Variants in DLGAP2 observed in about 807,000 individuals in gnomAD.
DLGAP2 encodes the protein DLG associated protein 2, also known as disks large-associated protein 2.
Under a neutral mutation model 100.3 loss-of-function variants are expected in DLGAP2, and 26 were observed. The ratio of observed to expected loss-of-function variants is 0.26; its 90% CI spans 0.19 to 0.36. The LOEUF (loss-of-function observed/expected upper bound fraction) is 0.36, where lower values mean the gene tolerates loss of function less well. DLGAP2 is among the 10% of genes least tolerant of loss of function. The pLI is 1.00. For missense variants in DLGAP2, 1,858 were observed against 1,453.2 expected (o/e 1.28, Z -4.53); for synonymous variants, 886 against 630.1 (o/e 1.41, Z -6.08).
At chr8:1,605,041 C>T (rs1010054237) in intron 6 of DLGAP2, among the ~76,000 whole-genome samples, 4 of 152,276 alleles carry the variant, frequency 2.6e-5, no homozygotes, top group South Asian at 2.1e-4. Flanking sequence ...AGAAGCCAGG[C>T]GGGGCACACC....
intron 3 of DLGAP2, among the ~76,000 whole-genome samples, chr8:1,266,739 C>T (rs1199489317): frequency 6.6e-6 from 1 of 151,974 alleles, no homozygotes; most frequent in African/African-American, 2.4e-5. Flanking sequence ...GTGTTGAGTG[C>T]AGACCCAGTG....
intron 2 of DLGAP2, among the ~76,000 whole-genome samples, chr8:1,135,792 G>A (rs1265405065): frequency 3.9e-5 from 6 of 152,074 alleles, no homozygotes; most frequent in Non-Finnish European, 7.4e-5. Flanking sequence ...TGATATTTCT[G>A]GTAGAAAAAC....
chr8:1,054,684 A>G (rs1407095358), intron 2 of DLGAP2, among the ~76,000 whole-genome samples: 9 of 152,166 alleles, frequency 5.9e-5, no homozygotes. Flanking sequence ...AAAACAATGC[A>G]CTATTCTCAG....
chr8:801,985 TC>T, intron 1 of DLGAP2, among the ~76,000 whole-genome samples: 1 of 31,642 alleles, frequency 3.2e-5, no homozygotes, highest in Non-Finnish European at 7.9e-5. Flanking sequence ...CCCTCCTGGG[TC>T]CTCTGTCCTC....
At position 1,143,620 on chromosome 8, in the gene DLGAP2, C is replaced by T. The variant is rs531682082; in HGVS notation, c.74-115231C>T. Among the ~76,000 whole-genome samples, 25 of 152,298 alleles carry T rather than the reference C, an allele frequency of 1.6e-4. 1 individual carries two copies. The highest frequency in any genetic ancestry group is 6.8e-3 in the Middle Eastern group (2 of 294). On this transcript the variant is annotated intron_variant, in intron 2 of 14. Coordinates refer to ENST00000637795, the MANE Select transcript of DLGAP2 (RefSeq NM_001346810.2). The stretch of plus-strand genomic sequence containing the variant: ...TGGGAGGGAAGTGCAGTTCTGCAGG[C>T]GGCATCTGAGAGGCTTCAGAACGGG...
intron 2 of DLGAP2, among the ~76,000 whole-genome samples, chr8:1,139,716 C>T (rs1332776406): frequency 6.6e-6 from 1 of 152,192 alleles, no homozygotes; most frequent in South Asian, 2.1e-4. Context: ...CGACAGGCCC[C>T]TGTTATTTCA....
chr8:1,213,844 C>A (rs969229623), intron 2 of DLGAP2, among the ~76,000 whole-genome samples: 1 of 152,208 alleles, frequency 6.6e-6, no homozygotes, highest in African/African-American at 2.4e-5. Flanking sequence ...TGGGTGATCC[C>A]TGCTTGCCTA....
At chr8:1,560,336 G>C (rs1164415966) in intron 5 of DLGAP2, among the ~76,000 whole-genome samples, 1 of 152,128 alleles carries the variant, frequency 6.6e-6, no homozygotes, top group African/African-American at 2.4e-5. Context: ...GGGTAGCTGG[G>C]TAGTATCCAT....
intron 2 of DLGAP2, among the ~76,000 whole-genome samples, chr8:914,807 G>A (rs1249535311): frequency 6.6e-6 from 1 of 152,250 alleles, no homozygotes; most frequent in East Asian, 1.9e-4. Flanking sequence ...TAAACCTGGT[G>A]TGTGATACTC....
chr8:866,217 C>T (rs1294210036), intron 1 of DLGAP2, among the ~76,000 whole-genome samples: 8 of 152,188 alleles, frequency 5.3e-5, no homozygotes, highest in Admixed American at 5.2e-4. Context: ...GGCCAGGCTT[C>T]TTACCCCAGG....
At chr8:1,328,227 A>G (rs543921603) in intron 3 of DLGAP2, among the ~76,000 whole-genome samples, 3 of 151,628 alleles carry the variant, frequency 2.0e-5, no homozygotes, top group Admixed American at 1.3e-4. Flanking sequence ...TTTTTAGTTG[A>G]GACAGGATTT....
At chr8:1,683,969 T>C (rs1467602844) in intron 12 of DLGAP2, among the ~76,000 whole-genome samples, 3 of 126,870 alleles carry the variant, frequency 2.4e-5, no homozygotes, top group Non-Finnish European at 4.9e-5. Flanking sequence ...TATATATATA[T>C]ATATATATAT....
At chr8:1,264,890 T>G (rs1457102010) in intron 3 of DLGAP2, among the ~76,000 whole-genome samples, 2 of 152,092 alleles carry the variant, frequency 1.3e-5, no homozygotes, top group Non-Finnish European at 2.9e-5. Flanking sequence ...CTCGTGATAG[T>G]GAATAAGCCT....
chr8:1,656,607 G>C (rs529641823), intron 8 of DLGAP2, among the ~76,000 whole-genome samples: 3 of 152,212 alleles, frequency 2.0e-5, no homozygotes, highest in Non-Finnish European at 1.5e-5. Flanking sequence ...AGGAAAGTCA[G>C]TTTTTACACA....
chr8:1,324,828 G>C (rs1170461330), intron 3 of DLGAP2, among the ~76,000 whole-genome samples: 1 of 152,156 alleles, frequency 6.6e-6, no homozygotes, highest in Non-Finnish European at 1.5e-5. Flanking sequence ...ACTCATCTTG[G>C]CAGTCCCGTG....
intron 7 of DLGAP2, among the ~76,000 whole-genome samples, chr8:1,627,421 G>A (rs910053036): frequency 6.6e-6 from 1 of 152,218 alleles, no homozygotes; most frequent in Non-Finnish European, 1.5e-5. Flanking sequence ...TTAAAATCAG[G>A]TGCCTGAGAC....
At chr8:1,571,147 A>G (rs1356947854) in intron 6 of DLGAP2, among the ~76,000 whole-genome samples, 17 of 73,994 alleles carry the variant, frequency 2.3e-4, no homozygotes, top group Non-Finnish European at 2.7e-4. Context: ...CTGTGGGGGC[A>G]TCTTCTGGGA....
Position 1,678,455 on chromosome 8 carries a change from C to A in DLGAP2, c.2530C>A (p.Pro844Thr), listed in dbSNP as rs372823337. 3 of 1,613,524 alleles carry A rather than the reference C, an allele frequency of 1.9e-6. No homozygotes were observed. Among genetic ancestry groups the A allele is most frequent in the Admixed American group, 3.3e-5 (2 of 59,968 alleles). The change falls in exon 12 of 15, where the codon CCT (proline) becomes ACT (threonine). Residue 844 changes from proline (P) to threonine (T), a missense_variant. Physicochemically the swap from Pro to Thr is conservative, Grantham distance 38. Coordinates refer to ENST00000637795, the MANE Select transcript of DLGAP2 (RefSeq NM_001346810.2). ...CCAAGTGGACACCTCCACCCTGCCCCCTCCAGACCCCTGGCTGGAGCCCGC... is the reference window on the plus strand; with the variant it reads ...CCAAGTGGACACCTCCACCCTGCCCACTCCAGACCCCTGGCTGGAGCCCGC... The part of the protein sequence containing the change: ...RTQVDTSTLP[P>T]PDPWLEPAID...
chr8:1,003,495 T>G (rs756800593), intron 2 of DLGAP2, among the ~76,000 whole-genome samples: 1 of 152,246 alleles, frequency 6.6e-6, no homozygotes, highest in East Asian at 1.9e-4. Flanking sequence ...TGTCTAACAA[T>G]CCATTGGTTT....
Sources: gnomAD v4.1 joint callset for allele counts (sites outside exome capture counted in the v4.1 genomes callset) on GRCh38, gnomAD v4.1.1 for gene constraint, MANE v1.5 for transcripts, NCBI Gene and HGNC (gene_info 2026-07-23, HGNC 2026-07-21) for gene names.